HEATR9: variants seen among roughly 807,000 people sequenced by gnomAD.
HEATR9 encodes the protein HEAT repeat containing 9.
A neutral mutation model predicts 68.2 loss-of-function variants in HEATR9; 54 were observed. The observed-to-expected ratio is 0.79, with a 90% CI of 0.64 to 0.99. HEATR9 has a LOEUF of 0.99. HEATR9 is among the 50% of genes least tolerant of loss of function. The pLI, the probability that HEATR9 is intolerant of heterozygous loss-of-function variation, is 0.00. For synonymous variants in HEATR9, 241 were observed against 253.5 expected (o/e 0.95, Z 0.47); for missense variants, 662 against 679.7 (o/e 0.97, Z 0.29).
intron 8 of HEATR9, among the ~76,000 whole-genome samples, chr17:35,860,483 A>AT (rs912058134): frequency 2.0e-4 from 27 of 132,104 alleles, no homozygotes; most frequent in Admixed American, 4.6e-4. Flanking sequence ...TATTTATTTT[A>AT]TTTATTTATT....
chr17:35,868,613 G>A (rs778682710), intron 1 of HEATR9, 42 bp downstream of exon 1: 2 of 1,612,958 alleles, frequency 1.2e-6, no homozygotes, highest in East Asian at 2.2e-5. Flanking sequence ...TTCTTTTTCA[G>A]TCCCCTGCTC....
chr17:35,861,562 C>T (rs574739603), intron 8 of HEATR9: 193 of 770,064 alleles, frequency 2.5e-4, no homozygotes, highest in Non-Finnish European at 3.9e-4. Flanking sequence ...CTTCTTGATA[C>T]GCATGTTGAA....
At chr17:35,857,442 A>G (rs1409490617) in intron 11 of HEATR9, among the ~76,000 whole-genome samples, 2 of 152,114 alleles carry the variant, frequency 1.3e-5, no homozygotes, top group Non-Finnish European at 2.9e-5. Context: ...TCTGATTTAT[A>G]TTTTTTAAAA....
rs190459749 is a variant in HEATR9, at chr17:35,863,892, G to C, written c.568-333C>G. 3.9e-5 allele frequency: 21 copies of C among 537,652 alleles called. No homozygotes were observed. The East Asian group carries it at 6.5e-4, about 17-fold the overall frequency. The allele number at this position is 537,652 out of a possible 1,614,324, so 33.3% of individuals were successfully genotyped here. On this transcript the variant is annotated intron_variant, in intron 6 of 14. Coordinates refer to ENST00000604834, the MANE Select transcript of HEATR9 (RefSeq NM_152781.4). ...GTTGTAAGAGTTAAATGAGATTATGGATATAAAGAATGCATGTTCCCAGTG... is the reference window on the plus strand; with the variant it reads ...GTTGTAAGAGTTAAATGAGATTATGCATATAAAGAATGCATGTTCCCAGTG...
At chr17:35,856,144 T>C (rs761638379) in intron 13 of HEATR9, 29 bp downstream of exon 13, 3 of 1,607,464 alleles carry the variant, frequency 1.9e-6, no homozygotes, top group South Asian at 2.2e-5. Context: ...AACACAGGAA[T>C]TGGGTCAGAG....
At chr17:35,866,157 TA>T (rs2088191803) in intron 2 of HEATR9, among the ~76,000 whole-genome samples, 1 of 151,384 alleles carries the variant, frequency 6.6e-6, no homozygotes. Flanking sequence ...GAAGAGATCA[TA>T]ATAAGGGTTC....
intron 4 of HEATR9, 83 bp from the exon 5 acceptor site, chr17:35,864,636 C>A (rs2088127372): frequency 6.3e-6 from 10 of 1,587,162 alleles, no homozygotes; most frequent in African/African-American, 2.7e-5. Context: ...CCAATCCAAT[C>A]CCTTTTCCTA....
Position 35,864,425 on chromosome 17 carries a change from A to T in HEATR9, c.510+72T>A, listed in dbSNP as rs919374538. ...CATCCCCACAACCACCATCACGTCA[A>T]GCAGCTTTTTACTTTCCAGCTTGGC... On this transcript the variant is annotated intron_variant, in intron 5 of 14. Coordinates refer to ENST00000604834, the MANE Select transcript of HEATR9 (RefSeq NM_152781.4). The T allele has an allele frequency of 7.7e-6, 12 of 1,566,466 alleles. No homozygotes were observed. The African/African-American group carries it at 1.5e-4, about 19-fold the overall frequency.
chr17:35,861,421 A>C (rs1195016282), intron 8 of HEATR9: 15 of 1,608,528 alleles, frequency 9.3e-6, no homozygotes, highest in Non-Finnish European at 1.3e-5. Context: ...GGTCCACCTA[A>C]CTTTGCGAGG....
In HEATR9 at chr17:35,854,985, A is replaced by T. The variant is rs1218661108; in HGVS notation, c.*78T>A. 2.6e-6 allele frequency: 3 copies of T among 1,152,250 alleles called. No homozygotes were observed. The highest frequency in any genetic ancestry group is 4.7e-5 in the East Asian group (2 of 42,388). The allele number at this position is 1,152,250 out of a possible 1,614,324, so 71.4% of individuals were successfully genotyped here. On this transcript the variant is annotated 3_prime_UTR_variant, in exon 15 of 15. Transcript: ENST00000604834. ...TGACACTTGTTTATTCACGGAAGAT[A>T]AGTATAGATTGTTTTCTCATGGGAG... is the stretch of plus-strand genomic sequence containing the variant.
At position 35,856,469 on chromosome 17, in the gene HEATR9, T is replaced by TAGCCGGGCGCGG; in HGVS notation, c.1227-246_1227-245insCCGCGCCCGGCT. 2.7e-6 allele frequency: 3 copies of TAGCCGGGCGCGG among 1,106,696 alleles called. No individual in the cohort carries two copies. In the Admixed American group the frequency reaches 6.3e-5, roughly 23 times the overall value. 68.6% of individuals were successfully genotyped at this position (1,106,696 alleles called of 1,614,324 possible). A position where few individuals can be genotyped will look rare whatever the true frequency, so the allele number is the denominator to read the frequency against. On this transcript the variant is annotated intron_variant, in intron 12 of 14. Coordinates refer to ENST00000604834, the MANE Select transcript of HEATR9 (RefSeq NM_152781.4). ...ATTTTATCTTTTTAAAAAAAGTTCT[T>TAGCCGGGCGCGG]TTCATGTCATAATTTGAGCTTTATA... is the stretch of plus-strand genomic sequence containing the variant.
intron 2 of HEATR9, among the ~76,000 whole-genome samples, chr17:35,866,057 C>G (rs1189645130): frequency 6.6e-6 from 1 of 152,150 alleles, no homozygotes; most frequent in Admixed American, 6.5e-5. Flanking sequence ...GGATTCATCC[C>G]TGTCTCTTCT....
chr17:35,858,304 T>C lies in HEATR9; in HGVS notation c.1048A>G (p.Thr350Ala). 6.2e-7 allele frequency: 1 copy of C among 1,614,086 alleles called. No individual in the cohort carries two copies. The highest frequency in any genetic ancestry group is 8.5e-7 in the Non-Finnish European group (1 of 1,179,988). The change falls in exon 11 of 15, where the codon ACC (threonine) becomes GCC (alanine). Residue 350 changes from threonine (T) to alanine (A), a missense_variant. Transcript: ENST00000604834. ...AGCCCAATGGTCTTGAGCATTTGGG[T>C]GGCTTCAAAGCGGTCCTGAGGTCGG... ...SSVLEDRFEATQMLKTIGLEQ... is the reference protein window; with the variant it reads ...SSVLEDRFEAAQMLKTIGLEQ...
intron 1 of HEATR9, 77 bp downstream of exon 1, chr17:35,868,578 C>T (rs905756703): frequency 1.3e-6 from 2 of 1,599,472 alleles, no homozygotes; most frequent in Non-Finnish European, 1.7e-6. Context: ...TAGACCCTTG[C>T]CTGGGAGTGA....
At chr17:35,855,434 T>C (rs918148167) in intron 14 of HEATR9, 24 bp from the exon 15 acceptor site, 3 of 1,596,158 alleles carry the variant, frequency 1.9e-6, no homozygotes, top group Middle Eastern at 3.3e-4. Flanking sequence ...AAGGTCCTAG[T>C]GCTGGCTCAC....
chr17:35,865,028 C>G, intron 3 of HEATR9, 138 bp from the exon 4 acceptor site: 2 of 1,367,846 alleles, frequency 1.5e-6, no homozygotes, highest in South Asian at 2.6e-5. Flanking sequence ...CAGTGATATC[C>G]ACCAGAGCCG....
chr17:35,868,797 AG>A lies in HEATR9; in HGVS notation c.-56del, dbSNP rs1041624246. ...CTGCAGGGGGGAATACAAGGCTTTT[AG>A]GGGAGTGGGGGCACAGCTGGAGGAG... is the stretch of plus-strand genomic sequence containing the variant. On this transcript the variant is annotated 5_prime_UTR_variant, in exon 1 of 15. Coordinates refer to ENST00000604834, the MANE Select transcript of HEATR9 (RefSeq NM_152781.4). 6.5e-6 allele frequency: 10 copies of A among 1,529,138 alleles called. No individual in the cohort carries two copies. The highest frequency in any genetic ancestry group is 2.3e-5 in the East Asian group (1 of 44,276). The allele number at this position is 1,529,138 out of a possible 1,614,324, so 94.7% of individuals were successfully genotyped here.
At position 35,860,309 on chromosome 17, in the gene HEATR9, A is replaced by G. The variant is rs557128878; in HGVS notation, c.757-1239T>C. 1.1e-4 allele frequency among the ~76,000 whole-genome samples: 16 copies of G among 145,964 alleles called. No individual in the cohort carries two copies. In the South Asian group the frequency reaches 2.5e-3, roughly 23 times the overall value. On this transcript the variant is annotated intron_variant, in intron 8 of 14. Coordinates refer to ENST00000604834, the MANE Select transcript of HEATR9 (RefSeq NM_152781.4). ...CGGGAGGCTGAAGCAGGAGAATGGC[A>G]TGAACCTGGGAGGTGGAGCTTGCAG...
intron 7 of HEATR9, 129 bp downstream of exon 7, chr17:35,863,372 TG>T: frequency 9.4e-7 from 1 of 1,066,140 alleles, no homozygotes; most frequent in Non-Finnish European, 1.4e-6. Context: ...TCAACATAAC[TG>T]GGATAGTTCT....
Sources: gnomAD v4.1 joint callset for allele counts (sites outside exome capture counted in the v4.1 genomes callset) on GRCh38, gnomAD v4.1.1 for gene constraint, MANE v1.5 for transcripts, NCBI Gene and HGNC (gene_info 2026-07-23, HGNC 2026-07-21) for gene names.